Variants in ELF2 observed in about 807,000 individuals in gnomAD.
ELF2 encodes the protein E74 like ETS transcription factor 2.
ELF2 carries 11 observed loss-of-function variants against 54.8 expected under a neutral mutation model. The ratio of observed to expected loss-of-function variants is 0.20; its 90% CI spans 0.13 to 0.33. The LOEUF is 0.33. Among genes scored for constraint, ELF2 ranks in the 10% least tolerant of loss-of-function variants. The pLI, the probability that ELF2 is intolerant of heterozygous loss-of-function variation, is 1.00. For missense variants in ELF2, 513 were observed against 703.0 expected, an observed-to-expected ratio of 0.73 and a Z score of 3.06; for synonymous variants, 203 against 245.1, an observed-to-expected ratio of 0.83 and a Z score of 1.61.
chr4:139,081,438 T>C lies in ELF2; in HGVS notation c.239-7871A>G, dbSNP rs190315742. Among the ~76,000 whole-genome samples the C allele has an allele frequency of 3.2e-3, 490 of 152,266 alleles. 3 individuals are homozygous for C. Among genetic ancestry groups the C allele is most frequent in the Non-Finnish European group, 3.3e-3 (226 of 67,986 alleles). Reference sequence around the variant, plus strand: ...GCTTAGAAACATGTTATGCTGAAAATATTAACCTAAAGCTTATCTCCTCTA... The same window carrying C: ...GCTTAGAAACATGTTATGCTGAAAACATTAACCTAAAGCTTATCTCCTCTA... On this transcript the variant is annotated intron_variant, in intron 4 of 9. Coordinates refer to ENST00000686138, the MANE Select transcript of ELF2 (RefSeq NM_001331036.3).
intron 4 of ELF2, chr4:139,115,465 G>C (rs746496206): frequency 2.2e-6 from 2 of 921,898 alleles, no homozygotes; most frequent in Non-Finnish European, 2.6e-6. Flanking sequence ...AGCTCGCCGC[G>C]GCGAGGGCAG....
intron 3 of ELF2, among the ~76,000 whole-genome samples, chr4:139,129,753 T>C (rs903202940): frequency 6.6e-6 from 1 of 152,192 alleles, no homozygotes; most frequent in African/African-American, 2.4e-5. Flanking sequence ...AGTCTTCAAA[T>C]CTACTATTTG....
chr4:139,159,028 G>A (rs1740829972), intron 1 of ELF2, among the ~76,000 whole-genome samples: 2 of 152,172 alleles, frequency 1.3e-5, no homozygotes, highest in Non-Finnish European at 2.9e-5. Context: ...CTGCAGAGAG[G>A]TGGGAAGGCC....
intron 3 of ELF2, among the ~76,000 whole-genome samples, chr4:139,134,589 TTTTA>T (rs1328777969): frequency 1.7e-4 from 3 of 18,072 alleles, no homozygotes; most frequent in South Asian, 3.6e-3. Context: ...GTTATATTTA[TTTTA>T]TTTTATTTTA....
At position 139,058,708 on chromosome 4, in the gene ELF2, G is replaced by A. The variant is rs1322386925; in HGVS notation, c.*275C>T. The A allele has an allele frequency of 8.3e-5, 28 of 338,880 alleles. No homozygotes were observed. In the South Asian group the frequency reaches 9.2e-4, roughly 11 times the overall value. The allele number at this position is 338,880 out of a possible 1,614,324, so 21.0% of individuals were successfully genotyped here. On this transcript the variant is annotated 3_prime_UTR_variant, in exon 10 of 10. Transcript: ENST00000686138. Reference sequence around the variant, plus strand: ...CCAAGTCTTAGTGTAACTTGATATCGTAGTGAGCTGCTTGGTCCCTTTCGA... The same window carrying A: ...CCAAGTCTTAGTGTAACTTGATATCATAGTGAGCTGCTTGGTCCCTTTCGA...
At chr4:139,150,761 GC>G (rs887009898) in intron 1 of ELF2, among the ~76,000 whole-genome samples, 1 of 152,042 alleles carries the variant, frequency 6.6e-6, no homozygotes, top group Admixed American at 6.6e-5. Context: ...GGTGGCTCAT[GC>G]CTGTAATCCC....
chr4:139,062,221 A>G, intron 7 of ELF2, 164 bp from the exon 8 acceptor site: 1 of 664,970 alleles, frequency 1.5e-6, no homozygotes, highest in Non-Finnish European at 2.4e-6. Flanking sequence ...CCCAGGCTGG[A>G]GTGCAGTGGC....
chr4:139,070,586 T>C (rs1350729931), intron 6 of ELF2, among the ~76,000 whole-genome samples: 1 of 152,186 alleles, frequency 6.6e-6, no homozygotes, highest in Non-Finnish European at 1.5e-5. Context: ...CCATCATGCC[T>C]GGTATTAAAT....
At chr4:139,064,200 C>T (rs1304912218) in intron 7 of ELF2, among the ~76,000 whole-genome samples, 1 of 152,124 alleles carries the variant, frequency 6.6e-6, no homozygotes, top group Non-Finnish European at 1.5e-5. Flanking sequence ...CCCAGCTACT[C>T]GCAAGGCAGA....
chr4:139,081,898 A>C (rs995318849), intron 4 of ELF2, among the ~76,000 whole-genome samples: 3 of 140,618 alleles, frequency 2.1e-5, no homozygotes, highest in African/African-American at 8.1e-5. Flanking sequence ...TATGTAAAAC[A>C]TATTCTTTAC....
intron 4 of ELF2, among the ~76,000 whole-genome samples, chr4:139,093,743 G>A (rs924303817): frequency 3.3e-5 from 5 of 151,944 alleles, no homozygotes; most frequent in African/African-American, 1.2e-4. Context: ...TGCTTAACGT[G>A]GTATACATTA....
At chr4:139,123,301 G>A (rs1418800462) in intron 4 of ELF2, among the ~76,000 whole-genome samples, 1 of 151,530 alleles carries the variant, frequency 6.6e-6, no homozygotes, top group Admixed American at 6.6e-5. Context: ...TTGTGTTGAA[G>A]TAAATTTTAA....
chr4:139,063,977 TC>T (rs1217052450), intron 7 of ELF2, among the ~76,000 whole-genome samples: 1 of 152,202 alleles, frequency 6.6e-6, no homozygotes, highest in Non-Finnish European at 1.5e-5. Context: ...TTTATTTTAT[TC>T]CCTTCATAAC....
Position 139,073,501 on chromosome 4 carries a change from AG to A in ELF2, c.304del (p.Leu102CysfsTer10). The A allele has an allele frequency of 6.2e-7, 1 of 1,609,726 alleles. No individual in the cohort carries two copies. The highest frequency in any genetic ancestry group is 8.5e-7 in the Non-Finnish European group (1 of 1,177,094). On this transcript the variant is annotated frameshift_variant, in exon 5 of 10. Coordinates refer to ENST00000686138, the MANE Select transcript of ELF2 (RefSeq NM_001331036.3). LOFTEE classifies it high-confidence loss of function. ...GCAGGTAGGAGATTCCATATGAAGCAGGGCTTCAGCAGCTTCAATTGTCTTA... is the reference window on the plus strand; with the variant it reads ...GCAGGTAGGAGATTCCATATGAAGCAGGCTTCAGCAGCTTCAATTGTCTTA... ...TDKTIEAAEA[L>X]LHMESPTCLR...
At chr4:139,147,351 T>C (rs1739318969) in intron 1 of ELF2, among the ~76,000 whole-genome samples, 1 of 152,196 alleles carries the variant, frequency 6.6e-6, no homozygotes, top group Non-Finnish European at 1.5e-5. Flanking sequence ...ATCTTACTCC[T>C]GCAAGAATGG....
intron 6 of ELF2, among the ~76,000 whole-genome samples, chr4:139,069,381 A>G (rs1278276887): frequency 6.6e-6 from 1 of 152,230 alleles, no homozygotes; most frequent in Non-Finnish European, 1.5e-5. Context: ...GTAAAACAGA[A>G]AGTTCACTGG....
At chr4:139,093,535 A>G (rs1732907544) in intron 4 of ELF2, among the ~76,000 whole-genome samples, 1 of 152,216 alleles carries the variant, frequency 6.6e-6, no homozygotes, top group Non-Finnish European at 1.5e-5. Context: ...TCACTTATGA[A>G]TAGATTCCAA....
At chr4:139,132,318 T>G (rs1737572282) in intron 3 of ELF2, among the ~76,000 whole-genome samples, 2 of 152,176 alleles carry the variant, frequency 1.3e-5, no homozygotes, top group Admixed American at 1.3e-4. Flanking sequence ...ATCTTTTTAT[T>G]TTTCTTATGA....
chr4:139,144,355 G>A (rs1301970469), intron 1 of ELF2, among the ~76,000 whole-genome samples: 1 of 152,184 alleles, frequency 6.6e-6, no homozygotes, highest in African/African-American at 2.4e-5. Context: ...GGTCTCCAAC[G>A]CAAACCAAGG....
Sources: gnomAD v4.1 joint callset for allele counts (sites outside exome capture counted in the v4.1 genomes callset) on GRCh38, gnomAD v4.1.1 for gene constraint, MANE v1.5 for transcripts, NCBI Gene and HGNC (gene_info 2026-07-23, HGNC 2026-07-21) for gene names.